Variants in CADM1 observed in about 807,000 individuals in gnomAD.
CADM1 encodes TSLC-1.
CADM1 carries 15 observed loss-of-function variants against 53.1 expected under a neutral mutation model. The observed-to-expected ratio is 0.28, with a 90% CI of 0.19 to 0.44. The LOEUF (loss-of-function observed/expected upper bound fraction) is 0.44. Among genes scored for constraint, CADM1 ranks in the 20% least tolerant of loss-of-function variants. The pLI is 1.00. For missense variants in CADM1, 434 were observed against 611.3 expected (o/e 0.71, Z 3.06); for synonymous variants, 281 against 243.0 (o/e 1.16, Z -1.45).
intron 1 of CADM1, among the ~76,000 whole-genome samples, chr11:115,332,877 GA>G (rs894183489): frequency 2.0e-5 from 3 of 151,968 alleles, no homozygotes; most frequent in Non-Finnish European, 2.9e-5. Flanking sequence ...AGAATGGGGG[GA>G]AAAAAGCGAT....
At chr11:115,311,841 C>T (rs1944540395) in intron 1 of CADM1, among the ~76,000 whole-genome samples, 1 of 152,088 alleles carries the variant, frequency 6.6e-6, no homozygotes, top group Admixed American at 6.6e-5. Context: ...ATCAGATGAG[C>T]AGTGATGGGC....
chr11:115,457,736 T>C (rs1948709735), intron 1 of CADM1, among the ~76,000 whole-genome samples: 2 of 152,152 alleles, frequency 1.3e-5, no homozygotes, highest in African/African-American at 4.8e-5. Flanking sequence ...CTAAGGAGTT[T>C]CAGCCTGATA....
chr11:115,257,145 GTT>G (rs1326114958), intron 1 of CADM1, among the ~76,000 whole-genome samples: 1 of 151,896 alleles, frequency 6.6e-6, no homozygotes, highest in African/African-American at 2.4e-5. Flanking sequence ...TTATACGGTA[GTT>G]TTTCTTTTTA....
chr11:115,268,638 T>G (rs1361738392), intron 1 of CADM1, among the ~76,000 whole-genome samples: 1 of 152,138 alleles, frequency 6.6e-6, no homozygotes, highest in Non-Finnish European at 1.5e-5. Flanking sequence ...CTGCCTCCAT[T>G]TATTGCCTGC....
intron 1 of CADM1, among the ~76,000 whole-genome samples, chr11:115,493,593 C>T (rs1949546957): frequency 1.3e-5 from 2 of 152,090 alleles, no homozygotes; most frequent in Admixed American, 1.3e-4. Flanking sequence ...TACAAATTCA[C>T]CTACACTCAG....
chr11:115,482,440 C>G (rs952632866), intron 1 of CADM1, among the ~76,000 whole-genome samples: 1 of 152,192 alleles, frequency 6.6e-6, no homozygotes, highest in Admixed American at 6.5e-5. Flanking sequence ...TACACACACA[C>G]AAACACATAC....
intron 1 of CADM1, among the ~76,000 whole-genome samples, chr11:115,483,465 G>A (rs760631355): frequency 3.9e-5 from 6 of 152,098 alleles, no homozygotes; most frequent in South Asian, 2.1e-4. Flanking sequence ...TGCACTAGAT[G>A]AGCTACACCC....
intron 1 of CADM1, among the ~76,000 whole-genome samples, chr11:115,273,530 A>G (rs1943362043): frequency 6.6e-6 from 1 of 152,184 alleles, no homozygotes; most frequent in Admixed American, 6.5e-5. Context: ...TTGTTACTAG[A>G]AGTATCATGA....
rs991408884 is a variant in CADM1, at chr11:115,172,725, A to ATTTTTTTTTTTT, written c.*3737_*3748dup. On this transcript the variant is annotated 3_prime_UTR_variant, in exon 12 of 12. Coordinates refer to ENST00000331581, the MANE Select transcript of CADM1 (RefSeq NM_001301043.2). Reference sequence around the variant, plus strand: ...CAGGTGCTCAATAACTGCATATCTGATTTTTTTTTTTTTTTTTTTTTTTTT... The same window carrying ATTTTTTTTTTTT: ...CAGGTGCTCAATAACTGCATATCTGATTTTTTTTTTTTTTTTTTTTTTTTTTTTTTTTTTTTT... 2 of 85,542 alleles carry ATTTTTTTTTTTT rather than the reference A, an allele frequency of 2.3e-5. No homozygotes were observed. The highest frequency in any genetic ancestry group is 4.2e-5 in the Non-Finnish European group (2 of 47,250). 5.3% of individuals were successfully genotyped at this position (85,542 alleles called of 1,614,324 possible).
intron 1 of CADM1, among the ~76,000 whole-genome samples, chr11:115,293,348 G>T (rs908358797): frequency 1.3e-5 from 2 of 152,276 alleles, no homozygotes; most frequent in East Asian, 3.9e-4. Context: ...CAGGAGAATG[G>T]CGTGAACCCG....
At chr11:115,308,822 C>T (rs76027760) in intron 1 of CADM1, among the ~76,000 whole-genome samples, 3,585 of 138,108 alleles carry the variant, frequency 0.026, 139 homozygotes, top group African/African-American at 0.087. Flanking sequence ...TTCCTTCCAT[C>T]CCTCCCTTTC....
chr11:115,237,242 A>AGG (rs1942040622), intron 3 of CADM1, among the ~76,000 whole-genome samples: 2 of 152,174 alleles, frequency 1.3e-5, no homozygotes, highest in Non-Finnish European at 2.9e-5. Flanking sequence ...CATGCTTACT[A>AGG]TTTCTACAGG....
At chr11:115,476,565 C>T (rs1005591830) in intron 1 of CADM1, among the ~76,000 whole-genome samples, 3 of 152,190 alleles carry the variant, frequency 2.0e-5, no homozygotes, top group Middle Eastern at 3.4e-3. Context: ...GAGCACGCTG[C>T]GTGGTAGGAG....
intron 11 of CADM1, among the ~76,000 whole-genome samples, chr11:115,177,727 G>A (rs1332722728): frequency 6.6e-6 from 1 of 150,898 alleles, no homozygotes; most frequent in Non-Finnish European, 1.5e-5. Flanking sequence ...TGCCTCCTGA[G>A]TGTGGGCAGA....
At chr11:115,283,784 C>A (rs1021542808) in intron 1 of CADM1, among the ~76,000 whole-genome samples, 1 of 152,148 alleles carries the variant, frequency 6.6e-6, no homozygotes, top group South Asian at 2.1e-4. Context: ...GCAAGGCTCC[C>A]ACAGGGCCCT....
In CADM1 at chr11:115,195,872, T is replaced by C. The variant is rs112983928; in HGVS notation, c.1111+2534A>G. Among the ~76,000 whole-genome samples, 816 of 152,336 alleles carry C rather than the reference T, an allele frequency of 5.4e-3. 2 individuals are homozygous for C. Among genetic ancestry groups the C allele is most frequent in the Middle Eastern group, 0.02 (6 of 294 alleles). On this transcript the variant is annotated intron_variant, in intron 9 of 11. Transcript: ENST00000331581. ...TCTTTAAAACAGTGGCTGGAGCCCT[T>C]TGTGAAGATGCTACGAGGATTTTGG...
Position 115,494,129 on chromosome 11 carries a change from A to T in CADM1, c.124+10142T>A, listed in dbSNP as rs554569748. The stretch of plus-strand genomic sequence containing the variant: ...AAAAAAGATGAGTATGTGTGTATAC[A>T]TTATTGAGAGAGAGAGAGAAAGCAA... On this transcript the variant is annotated intron_variant, in intron 1 of 11. Transcript: ENST00000331581. Among the ~76,000 whole-genome samples the T allele has an allele frequency of 3.3e-5, 5 of 152,280 alleles. No homozygotes were observed. In the East Asian group the frequency reaches 7.7e-4, roughly 23 times the overall value.
chr11:115,292,808 T>A (rs187034340), intron 1 of CADM1, among the ~76,000 whole-genome samples: 1 of 152,346 alleles, frequency 6.6e-6, no homozygotes, highest in African/African-American at 2.4e-5. Context: ...AACCAGTGTC[T>A]TTTCCACTAT....
chr11:115,373,241 A>T (rs1009498459), intron 1 of CADM1, among the ~76,000 whole-genome samples: 2 of 152,154 alleles, frequency 1.3e-5, no homozygotes, highest in Non-Finnish European at 2.9e-5. Context: ...CAGACCAATG[A>T]GTTAAACAAG....
Sources: gnomAD v4.1 joint callset for allele counts (sites outside exome capture counted in the v4.1 genomes callset) on GRCh38, gnomAD v4.1.1 for gene constraint, MANE v1.5 for transcripts, NCBI Gene and HGNC (gene_info 2026-07-23, HGNC 2026-07-21) for gene names.